USP42: variants seen among roughly 807,000 people sequenced by gnomAD.
The protein encoded by USP42 is ubiquitin carboxyl-terminal hydrolase 42.
USP42 carries 23 observed loss-of-function variants against 113.0 expected under a neutral mutation model. That is an observed-to-expected ratio of 0.20 (90% confidence interval 0.15 to 0.29). The LOEUF (loss-of-function observed/expected upper bound fraction) is 0.29. Ranked by LOEUF, USP42 falls within the 10% of genes least tolerant of loss-of-function variation. USP42 has a pLI of 1.00. For missense variants in USP42, 2,174 were observed against 1,779.8 expected, an observed-to-expected ratio of 1.22 and a Z score of -3.99; for synonymous variants, 933 against 699.0, an observed-to-expected ratio of 1.33 and a Z score of -5.28.
the USP42 span, among the ~76,000 whole-genome samples, chr7:6,098,800 C>T: frequency 2.7e-5 from 4 of 150,302 alleles, no homozygotes; most frequent in Non-Finnish European, 4.4e-5. Context: ...TCTGCCTCGG[C>T]CTCTCAGAGT....
chr7:6,136,014 T>G, intron 4 of USP42, 63 bp downstream of exon 4: 1 of 1,160,988 alleles, frequency 8.6e-7, no homozygotes, highest in Non-Finnish European at 1.2e-6. Flanking sequence ...TTTTTTTTTT[T>G]TTTTTTTCGA....
Position 6,144,135 on chromosome 7 carries a change from C to T in USP42, c.929C>T (p.Ser310Phe), listed in dbSNP as rs1306189729. ...ASKRFTIHRS[S>F]NVLTLSLKRF... Reference sequence around the variant, plus strand: ...AAGAGGTTCACTATCCATAGATCCTCTAATGTTCTTACACTTTCTCTGAAA... The same window carrying T: ...AAGAGGTTCACTATCCATAGATCCTTTAATGTTCTTACACTTTCTCTGAAA... The change falls in exon 9 of 18, where the codon TCT becomes TTT. Residue 310 changes from serine to phenylalanine, a missense_variant. Ser to Phe is a radical substitution (Grantham distance 155, BLOSUM62 -2). Transcript: ENST00000306177. 6.3e-7 allele frequency: 1 copy of T among 1,595,956 alleles called. No homozygotes were observed.
chr7:6,146,440 A>G (rs1414461253), intron 11 of USP42, among the ~76,000 whole-genome samples, 192 bp downstream of exon 11: 1 of 152,078 alleles, frequency 6.6e-6, no homozygotes, highest in Non-Finnish European at 1.5e-5. Context: ...TGGAAGGATC[A>G]CTTGAGCCCA....
chr7:6,085,724 C>T, the USP42 span, among the ~76,000 whole-genome samples: 1 of 150,226 alleles, frequency 6.7e-6, no homozygotes, highest in South Asian at 2.1e-4. Context: ...AAGCGATTCT[C>T]CTGCCTCAGC....
chr7:6,130,454 G>A (rs1780791309), intron 3 of USP42, among the ~76,000 whole-genome samples: 1 of 152,216 alleles, frequency 6.6e-6, no homozygotes, highest in Admixed American at 6.5e-5. Flanking sequence ...GGAGGCCATA[G>A]TGGTGGCAGA....
intron 14 of USP42, among the ~76,000 whole-genome samples, 198 bp downstream of exon 14, chr7:6,150,704 G>A (rs1271896258): frequency 2.0e-5 from 3 of 152,200 alleles, no homozygotes; most frequent in African/African-American, 4.8e-5. Flanking sequence ...ACAGGACTGA[G>A]TCCACGGAAA....
intron 3 of USP42, among the ~76,000 whole-genome samples, chr7:6,125,315 T>TATA (rs1491493102): frequency 3.3e-5 from 5 of 151,896 alleles, no homozygotes; most frequent in Admixed American, 3.3e-4. Context: ...ATGGTGAAAC[T>TATA]TTGTCTCTAC....
the USP42 span, among the ~76,000 whole-genome samples, chr7:6,099,215 T>C: frequency 7.3e-6 from 1 of 137,466 alleles, no homozygotes; most frequent in Non-Finnish European, 1.6e-5. Flanking sequence ...CCCTCTCTTT[T>C]TTTTTTTTTT....
At chr7:6,135,502 A>T (rs1393623970) in intron 3 of USP42, among the ~76,000 whole-genome samples, 1 of 151,776 alleles carries the variant, frequency 6.6e-6, no homozygotes, top group Non-Finnish European at 1.5e-5. Context: ...ACAAAAAAAA[A>T]TTAGCCAGGC....
At chr7:6,096,791 A>C in the USP42 span, among the ~76,000 whole-genome samples, 1 of 150,966 alleles carries the variant, frequency 6.6e-6, no homozygotes, top group Admixed American at 6.6e-5. Flanking sequence ...ATTGCCTTGG[A>C]TCCCTGCAAG....
chr7:6,156,857 G>A lies in USP42; in HGVS notation c.3745G>A (p.Asp1249Asn), dbSNP rs755278718. Residue 1249 changes from aspartate (D) to asparagine (N), a missense_variant, in exon 16 of 18, where the codon GAC becomes AAC. By Grantham distance (23) the Asp-to-Asn change is conservative. Transcript: ENST00000306177. ...KKKRHSRKSE[D>N]FVKDSELHLP... is the part of the protein sequence containing the mutation. Reference sequence around the variant, plus strand: ...GAAGAGACATTCAAGAAAATCAGAGGACTTTGTTAAAGATTCAGAACTGCA... The same window carrying A: ...GAAGAGACATTCAAGAAAATCAGAGAACTTTGTTAAAGATTCAGAACTGCA... 9.3e-6 allele frequency: 15 copies of A among 1,610,888 alleles called. No homozygotes were observed. Among genetic ancestry groups the A allele is most frequent in the Admixed American group, 5.1e-5 (3 of 59,004 alleles).
intron 3 of USP42, 73 bp from the exon 4 acceptor site, chr7:6,135,768 G>T: frequency 1.3e-6 from 1 of 748,380 alleles, no homozygotes; most frequent in Non-Finnish European, 2.0e-6. Context: ...GTGTGCCCCT[G>T]ATTTGTAATT....
the USP42 span, among the ~76,000 whole-genome samples, chr7:6,093,519 G>A: frequency 6.6e-6 from 1 of 150,804 alleles, no homozygotes; most frequent in African/African-American, 2.5e-5. Context: ...CTGATCTCAA[G>A]CGATTCTCCC....
At position 6,150,177 on chromosome 7, in the gene USP42, A is replaced by G. The variant is rs1781959968; in HGVS notation, c.1981A>G (p.Asn661Asp). The G allele has an allele frequency of 1.2e-6, 2 of 1,613,964 alleles. No homozygotes were observed. The highest frequency in any genetic ancestry group is 1.7e-6 in the Non-Finnish European group (2 of 1,179,874). ...LQEPMTLNGANSADSDSDPKE... is the reference protein window; with the variant it reads ...LQEPMTLNGADSADSDSDPKE... ...AGAACCCATGACCCTAAACGGTGCT[A>G]ATAGTGCAGACAGCGACAGTGACCC... Residue 661 changes from asparagine to aspartate, a missense_variant, in exon 13 of 18, where the codon AAT becomes GAT. Coordinates refer to ENST00000306177, the MANE Select transcript of USP42 (RefSeq NM_032172.3).
chr7:6,100,004 C>CTATTTTTAT (rs141280623), upstream of USP42, among the ~76,000 whole-genome samples: 36,314 of 144,124 alleles, frequency 0.25, 5,716 homozygotes, highest in African/African-American at 0.34. Flanking sequence ...TTTCACAAGT[C>CTATTTTTAT]TATTATTATT....
chr7:6,154,953 C>A lies in USP42; in HGVS notation c.3399C>A (p.Ser1133=). 1 of 1,556,430 alleles carries A rather than the reference C, an allele frequency of 6.4e-7. No individual in the cohort carries two copies. ...TCGCCCCGCACCCCGACCGCTTCTCCCACGACAGAACTGCACTTGTAGCCG... is the reference window on the plus strand; with the variant it reads ...TCGCCCCGCACCCCGACCGCTTCTCACACGACAGAACTGCACTTGTAGCCG... The part of the protein sequence containing the change: ...HALAPHPDRF[S]HDRTALVAGD... The change falls in exon 15 of 18, where the codon TCC becomes TCA. Residue 1133 remains serine (S), a synonymous_variant. Coordinates refer to ENST00000306177, the MANE Select transcript of USP42 (RefSeq NM_032172.3).
intron 14 of USP42, among the ~76,000 whole-genome samples, chr7:6,152,775 GTTAAT>G (rs1332493998): frequency 2.0e-5 from 3 of 152,214 alleles, no homozygotes; most frequent in Non-Finnish European, 4.4e-5. Context: ...AAAGGACAAA[GTTAAT>G]TTACTACAGA....
intron 11 of USP42, among the ~76,000 whole-genome samples, chr7:6,146,707 T>G (rs1266555086): frequency 2.0e-5 from 3 of 150,846 alleles, no homozygotes; most frequent in East Asian, 1.9e-4. Context: ...GCCTGGAGAG[T>G]AAGAAAGGTA....
At chr7:6,097,425 C>T in the USP42 span, among the ~76,000 whole-genome samples, 1 of 135,780 alleles carries the variant, frequency 7.4e-6, no homozygotes, top group African/African-American at 2.9e-5. Flanking sequence ...GGCTCATGCA[C>T]TGTTGCCCTG....
Sources: gnomAD v4.1 joint callset for allele counts (sites outside exome capture counted in the v4.1 genomes callset) on GRCh38, gnomAD v4.1.1 for gene constraint, MANE v1.5 for transcripts, NCBI Gene and HGNC (gene_info 2026-07-23, HGNC 2026-07-21) for gene names.